Variants in CACNA2D2 observed in about 807,000 individuals in gnomAD.
CACNA2D2 encodes the protein voltage-dependent calcium channel subunit alpha-2/delta-2.
Under a neutral mutation model 166.4 loss-of-function variants are expected in CACNA2D2, and 48 were observed. The ratio of observed to expected loss-of-function variants is 0.29; its 90% CI spans 0.23 to 0.37. CACNA2D2 has a LOEUF of 0.37. Among genes scored for constraint, CACNA2D2 ranks in the 10% least tolerant of loss-of-function variants. The pLI, the probability that CACNA2D2 is intolerant of heterozygous loss-of-function variation, is 1.00. For missense variants in CACNA2D2, 1,122 were observed against 1,433.0 expected (o/e 0.78, Z 3.50); for synonymous variants, 561 against 573.7 (o/e 0.98, Z 0.32).
intron 14 of CACNA2D2, 49 bp from the exon 15 acceptor site, chr3:50,378,146 G>A (rs760650296): frequency 1.3e-6 from 2 of 1,587,070 alleles, no homozygotes; most frequent in Admixed American, 1.7e-5. Context: ...CCCAGGCACT[G>A]CCTGTTCTGT....
chr3:50,378,972 C>A lies in CACNA2D2; in HGVS notation c.1282G>T (p.Val428Leu), dbSNP rs748093850. Reference sequence around the variant, plus strand: ...GTGACGTCATAGTTATGCTGCCCCACGGAGAAAGTAAACACGCGCACCTGT... The same window carrying A: ...GTGACGTCATAGTTATGCTGCCCCAAGGAGAAAGTAAACACGCGCACCTGT... ...NRTVRVFTFS[V>L]GQHNYDVTPL... Residue 428 changes from valine (V) to leucine (L), a missense_variant, in exon 13 of 38, where the codon GTG becomes TTG. Physicochemically the swap from Val to Leu is conservative, Grantham distance 32. This residue lies in a region of CACNA2D2 where 840 missense variants were observed against 1,166.8 expected (regional missense o/e 0.72). Coordinates refer to ENST00000424201, the MANE Select transcript of CACNA2D2 (RefSeq NM_006030.4). The A allele has an allele frequency of 6.2e-7, 1 of 1,613,912 alleles. No homozygotes were observed. Among genetic ancestry groups the A allele is most frequent in the East Asian group, 2.2e-5 (1 of 44,880 alleles).
At chr3:50,416,927 A>G (rs1379716067) in intron 3 of CACNA2D2, among the ~76,000 whole-genome samples, 1 of 152,152 alleles carries the variant, frequency 6.6e-6, no homozygotes, top group Non-Finnish European at 1.5e-5. Context: ...TGAGATGCAC[A>G]TGTGCACATG....
intron 2 of CACNA2D2, among the ~76,000 whole-genome samples, chr3:50,467,439 C>T (rs1263304071): frequency 6.6e-6 from 1 of 152,186 alleles, no homozygotes; most frequent in Non-Finnish European, 1.5e-5. Flanking sequence ...CGGGATCTGT[C>T]CCTTTTCAGT....
intron 23 of CACNA2D2, 114 bp downstream of exon 23, chr3:50,370,206 G>A (rs960776729): frequency 9.4e-6 from 7 of 744,890 alleles, no homozygotes; most frequent in South Asian, 6.2e-5. Context: ...TGGGGGCCGG[G>A]GGATGACACT....
At chr3:50,404,565 C>T (rs924032685) in intron 3 of CACNA2D2, among the ~76,000 whole-genome samples, 12 of 152,164 alleles carry the variant, frequency 7.9e-5, no homozygotes, top group Admixed American at 6.5e-4. Flanking sequence ...ACATCCTCCT[C>T]CAAGAAGCCT....
intron 2 of CACNA2D2, among the ~76,000 whole-genome samples, chr3:50,470,181 G>A (rs535232780): frequency 1.3e-3 from 192 of 152,306 alleles, no homozygotes; most frequent in Non-Finnish European, 2.2e-3. Context: ...GCCTCTCTGG[G>A]GCCTTCCTGC....
Position 50,501,965 on chromosome 3 carries a change from C to G in CACNA2D2, c.206+1253G>C, listed in dbSNP as rs180982142. On this transcript the variant is annotated intron_variant, in intron 1 of 37. Coordinates refer to ENST00000424201, the MANE Select transcript of CACNA2D2 (RefSeq NM_006030.4). ...TGTAATTTGCCAACTGATCACCTGC[C>G]TGAGCACAGCCAGGCTGTGCAATGA... 2.1e-3 allele frequency among the ~76,000 whole-genome samples: 319 copies of G among 152,272 alleles called. 4 individuals carry two copies. The highest frequency in any genetic ancestry group is 0.013 in the East Asian group (65 of 5,166).
intron 2 of CACNA2D2, among the ~76,000 whole-genome samples, chr3:50,460,025 C>G (rs1377222631): frequency 6.6e-6 from 1 of 152,180 alleles, no homozygotes; most frequent in Non-Finnish European, 1.5e-5. Context: ...CTCGCCTGAT[C>G]CGGAGTCAAC....
At chr3:50,475,300 G>A (rs538820351) in intron 2 of CACNA2D2, among the ~76,000 whole-genome samples, 1 of 152,170 alleles carries the variant, frequency 6.6e-6, no homozygotes, top group South Asian at 2.1e-4. Context: ...GCAACAGTAG[G>A]TTGGCTTACT....
At chr3:50,482,226 TC>T (rs939319602) in intron 1 of CACNA2D2, among the ~76,000 whole-genome samples, 1 of 152,086 alleles carries the variant, frequency 6.6e-6, no homozygotes, top group Non-Finnish European at 1.5e-5. Context: ...GGCTGGTCCC[TC>T]CCCTAGGCCC....
intron 22 of CACNA2D2, among the ~76,000 whole-genome samples, chr3:50,373,851 GGA>G (rs1460581870): frequency 1.1e-5 from 1 of 89,220 alleles, no homozygotes; most frequent in Non-Finnish European, 2.3e-5. Flanking sequence ...GGATGGATGA[GGA>G]AAGAATGGAG....
chr3:50,420,155 G>A (rs1362839983), intron 3 of CACNA2D2, among the ~76,000 whole-genome samples: 1 of 152,260 alleles, frequency 6.6e-6, no homozygotes, highest in Non-Finnish European at 1.5e-5. Context: ...AAGTTAAAGA[G>A]AATTCACGTC....
chr3:50,363,295 C>A lies in CACNA2D2; in HGVS notation c.*1371G>T. The stretch of plus-strand genomic sequence containing the variant: ...ACTGAGAAAGCGACAAGCAACATGA[C>A]ATTAATTAACGAAGCCATTAATTAA... On this transcript the variant is annotated 3_prime_UTR_variant, in exon 38 of 38. Transcript: ENST00000424201. 1 of 398,814 alleles carries A rather than the reference C, an allele frequency of 2.5e-6. No individual in the cohort carries two copies. The highest frequency in any genetic ancestry group is 4.4e-6 in the Non-Finnish European group (1 of 226,062). The allele number at this position is 398,814 out of a possible 1,614,324, so 24.7% of individuals were successfully genotyped here.
intron 2 of CACNA2D2, among the ~76,000 whole-genome samples, chr3:50,440,306 T>G (rs1708528544): frequency 1.3e-5 from 2 of 152,230 alleles, no homozygotes; most frequent in South Asian, 4.1e-4. Context: ...CAGGGCACAC[T>G]ATCGGTGCCC....
At chr3:50,397,943 G>A (rs1706242128) in intron 3 of CACNA2D2, among the ~76,000 whole-genome samples, 1 of 152,140 alleles carries the variant, frequency 6.6e-6, no homozygotes, top group South Asian at 2.1e-4. Flanking sequence ...TGTCCCCATA[G>A]AGCTGACAAT....
intron 1 of CACNA2D2, among the ~76,000 whole-genome samples, chr3:50,493,492 G>A (rs1381770390): frequency 6.6e-6 from 1 of 152,216 alleles, no homozygotes; most frequent in African/African-American, 2.4e-5. Flanking sequence ...TTGCCATGCA[G>A]TAAGTTGGCC....
In CACNA2D2 at chr3:50,367,772, C is replaced by T. The variant is rs1357022360; in HGVS notation, c.2234+40G>A. The T allele has an allele frequency of 6.2e-7, 1 of 1,612,208 alleles. No homozygotes were observed. Among genetic ancestry groups the T allele is most frequent in the South Asian group, 1.1e-5 (1 of 90,982 alleles). On this transcript the variant is annotated intron_variant, in intron 25 of 37. Coordinates refer to ENST00000424201, the MANE Select transcript of CACNA2D2 (RefSeq NM_006030.4). The surrounding 1 kb of genome is among the most constrained non-coding windows in gnomAD (Gnocchi z 6.5). ...TGGGCAGGTCCAGGGCCTCTGGGCC[C>T]ATCCTAGCCTTCTGCCCCCACAGGC...
chr3:50,503,008 G>A (rs1699046222), intron 1 of CACNA2D2, among the ~76,000 whole-genome samples: 1 of 152,218 alleles, frequency 6.6e-6, no homozygotes. Flanking sequence ...GGAAGCAGGG[G>A]CACCGCGGGG....
intron 2 of CACNA2D2, among the ~76,000 whole-genome samples, chr3:50,472,332 G>A (rs568639633): frequency 2.0e-5 from 3 of 152,354 alleles, no homozygotes; most frequent in East Asian, 1.9e-4. Context: ...CAGCGCGCAA[G>A]CTATGAGTGG....
Sources: allele counts gnomAD v4.1 joint callset (sites outside exome capture counted in the v4.1 genomes callset), GRCh38; gene constraint gnomAD v4.1.1; regional missense constraint gnomAD v4.1.1; non-coding constraint Gnocchi (gnomAD v3.1); transcripts MANE v1.5; gene names NCBI Gene and HGNC (gene_info 2026-07-23, HGNC 2026-07-21).